GMPS: variants seen among roughly 807,000 people sequenced by gnomAD.
GMPS encodes guanosine monophosphate synthase.
In GMPS, 15 loss-of-function variants were observed where a neutral mutation model predicts 77.9. The ratio of observed to expected loss-of-function variants is 0.19; its 90% CI spans 0.13 to 0.30. GMPS has a LOEUF of 0.30. Among genes scored for constraint, GMPS ranks in the 10% least tolerant of loss-of-function variants. The pLI is 1.00. For synonymous variants in GMPS, 224 were observed against 275.9 expected, an observed-to-expected ratio of 0.81 and a Z score of 1.86; for missense variants, 590 against 838.8, an observed-to-expected ratio of 0.70 and a Z score of 3.66.
At chr3:155,905,828 A>T (rs922469228) in intron 4 of GMPS, among the ~76,000 whole-genome samples, 1 of 152,204 alleles carries the variant, frequency 6.6e-6, no homozygotes, top group African/African-American at 2.4e-5. Flanking sequence ...TCTGTTCTTA[A>T]CATAAATCTC....
At chr3:155,924,223 A>G (rs528692519) in intron 11 of GMPS, among the ~76,000 whole-genome samples, 1 of 152,226 alleles carries the variant, frequency 6.6e-6, no homozygotes, top group Non-Finnish European at 1.5e-5. Context: ...AAGCAGCAGG[A>G]TGCCAGGAGA....
rs1755921821 is a variant in GMPS at position 155,942,717 on chromosome 3, T to G, written c.*5025T>G. 1 of 227,572 alleles carries G rather than the reference T, an allele frequency of 4.4e-6. No individual in the cohort carries two copies. Among genetic ancestry groups the G allele is most frequent in the African/African-American group, 2.2e-5 (1 of 45,058 alleles). The allele number at this position is 227,572 out of a possible 1,614,324, so 14.1% of individuals were successfully genotyped here. On this transcript the variant is annotated 3_prime_UTR_variant, in exon 16 of 16. Coordinates refer to ENST00000496455, the MANE Select transcript of GMPS (RefSeq NM_003875.3). ...TTCTTTCAACCTCTTTCTTCTTACTTCTTTACTTTTCCTTCAGAGAGGAGA... is the reference window on the plus strand; with the variant it reads ...TTCTTTCAACCTCTTTCTTCTTACTGCTTTACTTTTCCTTCAGAGAGGAGA...
In GMPS at chr3:155,942,452, C is replaced by T. The variant is rs919691274; in HGVS notation, c.*4760C>T. ...TTATTGAGGGCCATACCTAGCCTGT[C>T]TTCATCAAACTCATAGGTGAATCTT... is the stretch of plus-strand genomic sequence containing the variant. On this transcript the variant is annotated 3_prime_UTR_variant, in exon 16 of 16. Coordinates refer to ENST00000496455, the MANE Select transcript of GMPS (RefSeq NM_003875.3). 1.3e-5 allele frequency: 3 copies of T among 222,504 alleles called. No homozygotes were observed. The highest frequency in any genetic ancestry group is 6.7e-5 in the African/African-American group (3 of 44,712). The allele number at this position is 222,504 out of a possible 1,614,324, so 13.8% of individuals were successfully genotyped here. A position where few individuals can be genotyped will look rare whatever the true frequency, so the allele number is the denominator to read the frequency against.
At chr3:155,891,175 G>T (rs759735282) in intron 1 of GMPS, among the ~76,000 whole-genome samples, 3 of 152,170 alleles carry the variant, frequency 2.0e-5, no homozygotes, top group African/African-American at 4.8e-5. Flanking sequence ...TTGGGGACTG[G>T]TAATTAACTA....
In GMPS at chr3:155,903,955, A is replaced by T. The variant is rs749673125; in HGVS notation, c.417A>T (p.Leu139Phe). The T allele has an allele frequency of 7.7e-7, 1 of 1,295,400 alleles. No individual in the cohort carries two copies. Among genetic ancestry groups the T allele is most frequent in the South Asian group, 1.4e-5 (1 of 73,186 alleles). 80.2% of individuals were successfully genotyped at this position (1,295,400 alleles called of 1,614,324 possible). Residue 139 changes from leucine to phenylalanine, a missense_variant, in exon 4 of 16, where the codon TTA (leucine) becomes TTT (phenylalanine). Transcript: ENST00000496455. ...FNISVDNTCS[L>F]FRGLQKEEVV... is the part of the protein sequence containing the mutation. ...TTAGTGTGGATAATACATGTTCATTATTCAGGTATTACATTTTTAGATGAA... is the reference window on the plus strand; with the variant it reads ...TTAGTGTGGATAATACATGTTCATTTTTCAGGTATTACATTTTTAGATGAA...
chr3:155,885,962 A>C (rs371377379), intron 1 of GMPS, among the ~76,000 whole-genome samples: 11 of 152,234 alleles, frequency 7.2e-5, no homozygotes, highest in African/African-American at 2.4e-4. Flanking sequence ...CTGGGATTAC[A>C]GACATGTGCT....
intron 1 of GMPS, among the ~76,000 whole-genome samples, chr3:155,887,674 A>G (rs1251156525): frequency 6.6e-6 from 1 of 152,204 alleles, no homozygotes; most frequent in Admixed American, 6.5e-5. Context: ...GATAATTATC[A>G]ATGTTAACTT....
At chr3:155,887,477 C>G (rs1011052266) in intron 1 of GMPS, among the ~76,000 whole-genome samples, 3 of 152,034 alleles carry the variant, frequency 2.0e-5, no homozygotes, top group Non-Finnish European at 2.9e-5. Context: ...GGACATTCTA[C>G]AAAAAGCTGG....
intron 12 of GMPS, among the ~76,000 whole-genome samples, chr3:155,931,461 C>T (rs1376014920): frequency 1.3e-5 from 2 of 152,112 alleles, no homozygotes; most frequent in Non-Finnish European, 2.9e-5. Flanking sequence ...GCTGGGATTA[C>T]AGGCATGAAC....
At chr3:155,881,041 T>C (rs535581646) in intron 1 of GMPS, among the ~76,000 whole-genome samples, 36 of 152,156 alleles carry the variant, frequency 2.4e-4, no homozygotes, top group Non-Finnish European at 4.4e-4. Context: ...TATGTATTTC[T>C]GTTAGCAAAG....
intron 12 of GMPS, among the ~76,000 whole-genome samples, chr3:155,926,318 A>G (rs1197077704): frequency 6.6e-6 from 1 of 152,168 alleles, no homozygotes; most frequent in Non-Finnish European, 1.5e-5. Context: ...GGCCTTCTTT[A>G]TATGATCCTC....
intron 11 of GMPS, among the ~76,000 whole-genome samples, chr3:155,922,784 G>T (rs930447455): frequency 1.3e-5 from 2 of 152,190 alleles, no homozygotes; most frequent in African/African-American, 4.8e-5. Context: ...CCAAATTGAA[G>T]ATGAATGGAA....
intron 7 of GMPS, among the ~76,000 whole-genome samples, chr3:155,912,659 A>G (rs1471971194): frequency 6.6e-6 from 1 of 152,108 alleles, no homozygotes; most frequent in African/African-American, 2.4e-5. Flanking sequence ...ATAACTTAAG[A>G]TTTTTAGTAT....
rs935837662 is a variant in GMPS at position 155,941,364 on chromosome 3, A to C, written c.*3672A>C. On this transcript the variant is annotated 3_prime_UTR_variant, in exon 16 of 16. Transcript: ENST00000496455. The stretch of plus-strand genomic sequence containing the variant: ...GCTTGCAGTGAGCTGAGATAGTGCC[A>C]CTGCACTCCGGCCTGGTGAAAGAGC... 2 of 177,636 alleles carry C rather than the reference A, an allele frequency of 1.1e-5. No homozygotes were observed. Among genetic ancestry groups the C allele is most frequent in the African/African-American group, 4.9e-5 (2 of 40,840 alleles). 11.0% of individuals were successfully genotyped at this position (177,636 alleles called of 1,614,324 possible).
intron 3 of GMPS, among the ~76,000 whole-genome samples, chr3:155,901,333 A>G (rs1010858818): frequency 1.3e-5 from 2 of 152,090 alleles, no homozygotes; most frequent in African/African-American, 4.8e-5. Flanking sequence ...ATGTTAGTAC[A>G]TTTTATTGTA....
intron 2 of GMPS, among the ~76,000 whole-genome samples, chr3:155,894,323 A>C (rs935571344): frequency 9.9e-5 from 15 of 152,162 alleles, no homozygotes; most frequent in African/African-American, 1.7e-4. Context: ...TCCCAGGTTC[A>C]GGTGATGCTC....
intron 11 of GMPS, 80 bp from the exon 12 acceptor site, chr3:155,925,161 A>G: frequency 1.6e-6 from 2 of 1,275,694 alleles, no homozygotes; most frequent in African/African-American, 1.5e-5. Context: ...CCAGTAAAAT[A>G]CATAAGATAG....
intron 6 of GMPS, 106 bp from the exon 7 acceptor site, chr3:155,911,008 A>T: frequency 9.0e-7 from 1 of 1,109,920 alleles, no homozygotes; most frequent in Non-Finnish European, 1.3e-6. Context: ...CAGTTACCAT[A>T]CATATCTTTG....
intron 12 of GMPS, among the ~76,000 whole-genome samples, chr3:155,930,366 G>A (rs1365286254): frequency 6.9e-6 from 1 of 144,482 alleles, no homozygotes; most frequent in Non-Finnish European, 1.5e-5. Context: ...AATTCAAGAT[G>A]GATTAAAGAT....
Sources: allele counts gnomAD v4.1 joint callset (sites outside exome capture counted in the v4.1 genomes callset), GRCh38; gene constraint gnomAD v4.1.1; transcripts MANE v1.5; gene names NCBI Gene and HGNC (gene_info 2026-07-23, HGNC 2026-07-21).